The following EBF2 variants were observed in gnomAD, a reference collection of about 807,000 sequenced individuals.
EBF2 encodes transcription factor COE2.
EBF2 carries 21 observed loss-of-function variants against 72.8 expected under a neutral mutation model. The ratio of observed to expected loss-of-function variants is 0.29; its 90% CI spans 0.20 to 0.42. The LOEUF (loss-of-function observed/expected upper bound fraction) is 0.42. Among genes scored for constraint, EBF2 ranks in the 10% least tolerant of loss-of-function variants. The pLI is 1.00. For missense variants in EBF2, 637 were observed against 731.2 expected (o/e 0.87, Z 1.49); for synonymous variants, 299 against 274.2 (o/e 1.09, Z -0.89).
At chr8:25,914,786 C>T (rs558361472) in intron 6 of EBF2, among the ~76,000 whole-genome samples, 46 of 152,288 alleles carry the variant, frequency 3.0e-4, no homozygotes, top group African/African-American at 1.0e-3. Flanking sequence ...TTTAGTTAAA[C>T]AATCCCTCAA....
chr8:25,966,131 G>A (rs1473025363), intron 6 of EBF2, among the ~76,000 whole-genome samples: 1 of 152,226 alleles, frequency 6.6e-6, no homozygotes, highest in Non-Finnish European at 1.5e-5. Context: ...CCTTCTCAAA[G>A]GGCAAGAGGG....
At chr8:25,975,525 T>C (rs1804254852) in intron 6 of EBF2, among the ~76,000 whole-genome samples, 1 of 152,224 alleles carries the variant, frequency 6.6e-6, no homozygotes, top group South Asian at 2.1e-4. Flanking sequence ...CTTTGCAGGT[T>C]ATTAATATGC....
At chr8:25,883,967 C>A (rs1802645907) in intron 10 of EBF2, among the ~76,000 whole-genome samples, 1 of 152,162 alleles carries the variant, frequency 6.6e-6, no homozygotes. Context: ...TTTAATCCTG[C>A]ATGCTGGTGT....
intron 6 of EBF2, among the ~76,000 whole-genome samples, chr8:25,995,958 C>T (rs1012425128): frequency 7.9e-5 from 12 of 151,878 alleles, no homozygotes; most frequent in South Asian, 2.1e-4. Flanking sequence ...GAGATTTTAA[C>T]GTATCCTCCT....
intron 6 of EBF2, among the ~76,000 whole-genome samples, chr8:25,971,557 C>T (rs540767953): frequency 6.6e-6 from 1 of 152,080 alleles, no homozygotes; most frequent in South Asian, 2.1e-4. Flanking sequence ...CAGAAGGAGT[C>T]GTTTACAACA....
chr8:25,925,739 G>A (rs573723343), intron 6 of EBF2, among the ~76,000 whole-genome samples: 3 of 152,272 alleles, frequency 2.0e-5, no homozygotes, highest in Non-Finnish European at 4.4e-5. Flanking sequence ...GGTCAGAGCA[G>A]CTGCCTGTGA....
intron 6 of EBF2, among the ~76,000 whole-genome samples, chr8:25,965,429 G>A (rs934197858): frequency 3.3e-5 from 5 of 152,198 alleles, no homozygotes; most frequent in Admixed American, 3.3e-4. Flanking sequence ...GCAAGGCTGA[G>A]TCTAAATCCA....
In EBF2 at chr8:25,869,399, G is replaced by T. The variant is rs141844733; in HGVS notation, c.1010-6602C>A. Among the ~76,000 whole-genome samples the T allele has an allele frequency of 8.5e-3, 1,291 of 152,176 alleles. 28 individuals are homozygous for T. Among genetic ancestry groups the T allele is most frequent in the African/African-American group, 0.03 (1,243 of 41,514 alleles). ...TTGCCCTGCTGCTCTTTCCTAAGGG[G>T]GAATGAGGAGGCCAGCTGGAATTCG... On this transcript the variant is annotated intron_variant, in intron 10 of 15. Coordinates refer to ENST00000520164, the MANE Select transcript of EBF2 (RefSeq NM_022659.4).
intron 10 of EBF2, among the ~76,000 whole-genome samples, chr8:25,869,369 C>T (rs1199968115): frequency 6.6e-6 from 1 of 152,144 alleles, no homozygotes; most frequent in Non-Finnish European, 1.5e-5. Flanking sequence ...TCCCCCATCA[C>T]TTCCTTGCCC....
chr8:25,981,169 G>A (rs1356796874), intron 6 of EBF2, among the ~76,000 whole-genome samples: 10 of 152,060 alleles, frequency 6.6e-5, no homozygotes, highest in East Asian at 1.9e-4. Flanking sequence ...TGCCAACCAC[G>A]CAGTGAGGTC....
chr8:25,904,235 CAA>C (rs35930162), intron 7 of EBF2, among the ~76,000 whole-genome samples: 8 of 121,798 alleles, frequency 6.6e-5, no homozygotes, highest in Non-Finnish European at 8.6e-5. Context: ...GGGTCTGGGC[CAA>C]AAAAAAAAAA....
At chr8:25,895,992 A>G (rs1208669353) in intron 7 of EBF2, among the ~76,000 whole-genome samples, 1 of 151,644 alleles carries the variant, frequency 6.6e-6, no homozygotes, top group Non-Finnish European at 1.5e-5. Flanking sequence ...TAACTGTATG[A>G]TTTAGTTGAA....
intron 6 of EBF2, among the ~76,000 whole-genome samples, chr8:25,969,416 TCTC>T (rs1804159006): frequency 6.6e-6 from 1 of 152,184 alleles, no homozygotes; most frequent in African/African-American, 2.4e-5. Flanking sequence ...TCTCCAGGTT[TCTC>T]CTGTGCTTTT....
rs568391976 is a variant in EBF2, at chr8:26,018,086, G to A, written c.551+14999C>T. Among the ~76,000 whole-genome samples the A allele has an allele frequency of 9.9e-5, 15 of 151,516 alleles. No homozygotes were observed. In the East Asian group the frequency reaches 2.1e-3, roughly 22 times the overall value. ...AGATTCAAACAAGGATCCCTAGGGA[G>A]ACAACGGACCTCATAGGTTGGAAAA... is the stretch of plus-strand genomic sequence containing the variant. On this transcript the variant is annotated intron_variant, in intron 6 of 15. Coordinates refer to ENST00000520164, the MANE Select transcript of EBF2 (RefSeq NM_022659.4).
chr8:25,946,970 T>G (rs1803779829), intron 6 of EBF2, among the ~76,000 whole-genome samples: 1 of 152,232 alleles, frequency 6.6e-6, no homozygotes, highest in Non-Finnish European at 1.5e-5. Flanking sequence ...TTAACAAATA[T>G]CCCTAATACA....
intron 7 of EBF2, among the ~76,000 whole-genome samples, chr8:25,898,457 A>C (rs1005507006): frequency 6.6e-6 from 1 of 152,088 alleles, no homozygotes; most frequent in Non-Finnish European, 1.5e-5. Flanking sequence ...AATTAAAAAA[A>C]AAAAAACCAG....
chr8:25,925,227 C>T (rs1489159627), intron 6 of EBF2, among the ~76,000 whole-genome samples: 1 of 152,098 alleles, frequency 6.6e-6, no homozygotes, highest in Non-Finnish European at 1.5e-5. Context: ...TCCCTTGTAA[C>T]TCTTGCAATT....
chr8:26,010,498 G>T (rs1585226324), intron 6 of EBF2, among the ~76,000 whole-genome samples: 1 of 152,112 alleles, frequency 6.6e-6, no homozygotes, highest in Admixed American at 6.5e-5. Flanking sequence ...AGAGCTCTCC[G>T]TTGAACAAAA....
chr8:25,899,724 G>A (rs758828095), intron 7 of EBF2, among the ~76,000 whole-genome samples: 2 of 152,140 alleles, frequency 1.3e-5, no homozygotes, highest in East Asian at 1.9e-4. Flanking sequence ...TAGTAAACCC[G>A]ACTAATGGCT....
Sources: allele counts gnomAD v4.1 joint callset (sites outside exome capture counted in the v4.1 genomes callset), GRCh38; gene constraint gnomAD v4.1.1; transcripts MANE v1.5; gene names NCBI Gene and HGNC (gene_info 2026-07-23, HGNC 2026-07-21).